Variants in ASCC3 observed in about 807,000 individuals in gnomAD.
ASCC3 encodes the protein ASC-1 complex subunit P200.
ASCC3 carries 158 observed loss-of-function variants against 256.3 expected under a neutral mutation model. The observed-to-expected ratio is 0.62, with a 90% CI of 0.54 to 0.70. The LOEUF is 0.70. Among genes scored for constraint, ASCC3 ranks in the 30% least tolerant of loss-of-function variants. The pLI, the probability that ASCC3 is intolerant of heterozygous loss-of-function variation, is 0.00. For missense variants in ASCC3, 2,259 were observed against 2,626.0 expected (o/e 0.86, Z 3.05); for synonymous variants, 948 against 883.4 (o/e 1.07, Z -1.30).
At chr6:100,691,658 C>T (rs80092307) in intron 13 of ASCC3, among the ~76,000 whole-genome samples, 8 of 151,888 alleles carry the variant, frequency 5.3e-5, no homozygotes, top group Admixed American at 3.9e-4. Context: ...TAATCATACA[C>T]GTTAATTTTA....
Position 100,662,001 on chromosome 6 carries a change from G to T in ASCC3, c.2508C>A (p.Gly836=). 1 of 1,613,196 alleles carries T rather than the reference G, an allele frequency of 6.2e-7. No individual in the cohort carries two copies. The highest frequency in any genetic ancestry group is 8.5e-7 in the Non-Finnish European group (1 of 1,179,420). Residue 836 remains glycine, a synonymous_variant, in exon 16 of 42, where the codon GGC becomes GGA. Transcript: ENST00000369162. ...CTAAAATTCCAAGGTCAACAAAGGA[G>T]CCTCTTTTTGCAGCATATATTTGTG... ...KGTQIYAAKR[G]SFVDLGILDV...
At chr6:100,521,875 C>T (rs979755286) in intron 37 of ASCC3, among the ~76,000 whole-genome samples, 4 of 152,184 alleles carry the variant, frequency 2.6e-5, no homozygotes, top group African/African-American at 4.8e-5. Flanking sequence ...TTGTGTCTCA[C>T]TACCTTTTAT....
intron 4 of ASCC3, among the ~76,000 whole-genome samples, chr6:100,834,027 CT>C (rs926911553): frequency 6.6e-6 from 1 of 152,140 alleles, no homozygotes; most frequent in Admixed American, 6.5e-5. Context: ...GACAGCACCA[CT>C]ACACCCCAGC....
intron 10 of ASCC3, among the ~76,000 whole-genome samples, chr6:100,742,600 A>C (rs1780489935): frequency 6.6e-6 from 1 of 152,176 alleles, no homozygotes; most frequent in African/African-American, 2.4e-5. Context: ...GGTACTGCCC[A>C]GTGAGGGCAA....
At chr6:100,582,563 C>T (rs547550727) in intron 36 of ASCC3, among the ~76,000 whole-genome samples, 23 of 152,074 alleles carry the variant, frequency 1.5e-4, no homozygotes, top group South Asian at 8.3e-4. Context: ...CTTTTCCTAA[C>T]TGAATACCCT....
intron 25 of ASCC3, among the ~76,000 whole-genome samples, chr6:100,633,280 A>G (rs1774649433): frequency 6.6e-6 from 1 of 152,134 alleles, no homozygotes; most frequent in Non-Finnish European, 1.5e-5. Flanking sequence ...TTCAGGCTGT[A>G]GCCACTCCCC....
At chr6:100,516,388 C>T in intron 38 of ASCC3, 61 bp from the exon 39 acceptor site, 2 of 1,591,866 alleles carry the variant, frequency 1.3e-6, no homozygotes, top group South Asian at 1.1e-5. Context: ...GATTTTCTGA[C>T]AATGGTGGTT....
rs1057199043 is a variant in ASCC3 at position 100,661,999 on chromosome 6, G to A, written c.2510C>T (p.Ser837Phe). The A allele has an allele frequency of 1.2e-6, 2 of 1,613,144 alleles. No homozygotes were observed. Among genetic ancestry groups the A allele is most frequent in the Non-Finnish European group, 1.7e-6 (2 of 1,179,414 alleles). The change falls in exon 16 of 42, where the codon TCC becomes TTC. Residue 837 changes from serine to phenylalanine, a missense_variant. Transcript: ENST00000369162. ...ATCTAAAATTCCAAGGTCAACAAAG[G>A]AGCCTCTTTTTGCAGCATATATTTG... ...GTQIYAAKRG[S>F]FVDLGILDVM...
At chr6:100,623,635 A>T (rs1774078236) in intron 30 of ASCC3, among the ~76,000 whole-genome samples, 1 of 152,150 alleles carries the variant, frequency 6.6e-6, no homozygotes, top group Non-Finnish European at 1.5e-5. Flanking sequence ...AACACTGAAG[A>T]GGGTTGGTGG....
rs1377901806 is a variant in ASCC3 at position 100,554,833 on chromosome 6, AT to A, written c.5551-14447del. On this transcript the variant is annotated intron_variant, in intron 36 of 41. Coordinates refer to ENST00000369162, the MANE Select transcript of ASCC3 (RefSeq NM_006828.4). ...TCAACGGATAAAAAAAATGCCTTAT[AT>A]TTTTATCTTTATTTCTTCAGATATT... 4.6e-5 allele frequency among the ~76,000 whole-genome samples: 7 copies of A among 152,086 alleles called. No individual in the cohort carries two copies. In the East Asian group the frequency reaches 1.2e-3, roughly 25 times the overall value.
chr6:100,564,738 T>C (rs1220328923), intron 36 of ASCC3, among the ~76,000 whole-genome samples: 1 of 152,132 alleles, frequency 6.6e-6, no homozygotes, highest in Admixed American at 6.6e-5. Context: ...AGGCTATGTT[T>C]AAAAATTATA....
At chr6:100,773,800 T>C (rs1782049046) in intron 8 of ASCC3, among the ~76,000 whole-genome samples, 1 of 152,124 alleles carries the variant, frequency 6.6e-6, no homozygotes, top group Non-Finnish European at 1.5e-5. Context: ...AAAAGAACTA[T>C]AATTAAATGA....
intron 36 of ASCC3, among the ~76,000 whole-genome samples, chr6:100,569,662 G>C (rs117334249): frequency 0.015 from 2,343 of 152,216 alleles, 25 homozygotes; most frequent in East Asian, 0.045. Context: ...GGGATTACAG[G>C]CGTGGCGCGG....
At chr6:100,736,254 C>T (rs1284181624) in intron 10 of ASCC3, among the ~76,000 whole-genome samples, 1 of 152,150 alleles carries the variant, frequency 6.6e-6, no homozygotes, top group Non-Finnish European at 1.5e-5. Flanking sequence ...TTAAAAAGTT[C>T]CTTTTCCTGA....
intron 11 of ASCC3, among the ~76,000 whole-genome samples, chr6:100,719,529 C>T (rs1779226269): frequency 6.6e-6 from 1 of 151,856 alleles, no homozygotes; most frequent in Non-Finnish European, 1.5e-5. Flanking sequence ...TGGCAAACAC[C>T]AGACATTTTT....
intron 36 of ASCC3, among the ~76,000 whole-genome samples, chr6:100,548,419 T>C (rs1769100252): frequency 6.6e-6 from 1 of 151,978 alleles, no homozygotes; most frequent in Non-Finnish European, 1.5e-5. Context: ...GCAATGACGA[T>C]AGTATTAAAT....
intron 10 of ASCC3, among the ~76,000 whole-genome samples, chr6:100,752,857 A>G (rs1001046808): frequency 6.6e-6 from 1 of 152,212 alleles, no homozygotes; most frequent in Admixed American, 6.5e-5. Context: ...TCTCAAATGT[A>G]GAAAAATATG....
chr6:100,740,745 T>C (rs1780397666), intron 10 of ASCC3, among the ~76,000 whole-genome samples: 2 of 152,200 alleles, frequency 1.3e-5, no homozygotes, highest in Admixed American at 6.5e-5. Flanking sequence ...CCTGCTTTTT[T>C]CTGTGTTCCA....
chr6:100,817,009 A>T (rs556351900), intron 4 of ASCC3, among the ~76,000 whole-genome samples: 1 of 152,190 alleles, frequency 6.6e-6, no homozygotes, highest in South Asian at 2.1e-4. Context: ...TCTATAGAAC[A>T]CCTATCCATC....
Sources: gnomAD v4.1 joint callset for allele counts (sites outside exome capture counted in the v4.1 genomes callset) on GRCh38, gnomAD v4.1.1 for gene constraint, MANE v1.5 for transcripts, NCBI Gene and HGNC (gene_info 2026-07-23, HGNC 2026-07-21) for gene names.